The following NIPSNAP2 variants were observed in gnomAD, a reference collection of about 807,000 sequenced individuals.
NIPSNAP2 encodes the protein protein NipSnap homolog 2.
NIPSNAP2 carries 42 observed loss-of-function variants against 48.4 expected under a neutral mutation model. The ratio of observed to expected loss-of-function variants is 0.87; its 90% CI spans 0.68 to 1.12. The LOEUF is 1.12. NIPSNAP2 is among the 50% of genes most tolerant of loss of function. The probability of loss-of-function intolerance (pLI) is 0.00; values close to 1 mark genes in which losing one functional copy is unlikely to be tolerated. For missense variants in NIPSNAP2, 314 were observed against 347.3 expected, an observed-to-expected ratio of 0.90 and a Z score of 0.76; for synonymous variants, 158 against 126.6, an observed-to-expected ratio of 1.25 and a Z score of -1.67.
intron 7 of NIPSNAP2, among the ~76,000 whole-genome samples, chr7:55,994,164 A>G (rs960515093): frequency 3.9e-5 from 6 of 152,138 alleles, no homozygotes; most frequent in African/African-American, 1.4e-4. Flanking sequence ...CCTTGGGTAC[A>G]GTGCCCTGTG....
intron 1 of NIPSNAP2, among the ~76,000 whole-genome samples, chr7:55,975,902 G>T (rs768652652): frequency 8.5e-5 from 13 of 152,088 alleles, no homozygotes; most frequent in Non-Finnish European, 1.6e-4. Context: ...GCCGTGCACG[G>T]TGGCACACCA....
chr7:55,974,446 A>G (rs1205545740), intron 1 of NIPSNAP2, among the ~76,000 whole-genome samples: 1 of 151,972 alleles, frequency 6.6e-6, no homozygotes, highest in African/African-American at 2.4e-5. Flanking sequence ...TCCCTTGTTT[A>G]AATTCCTGGT....
intron 8 of NIPSNAP2, among the ~76,000 whole-genome samples, chr7:55,996,301 AG>A (rs1455750546): frequency 6.6e-6 from 1 of 151,034 alleles, no homozygotes; most frequent in African/African-American, 2.4e-5. Context: ...AAAAAAAAAA[AG>A]AAAAGAAACC....
chr7:55,987,446 G>A (rs1002761696), intron 7 of NIPSNAP2, among the ~76,000 whole-genome samples: 1 of 152,156 alleles, frequency 6.6e-6, no homozygotes, highest in Admixed American at 6.5e-5. Flanking sequence ...TGGCCAACAT[G>A]GCAAAACCCC....
chr7:55,975,625 T>C (rs1787093616), intron 1 of NIPSNAP2, among the ~76,000 whole-genome samples: 2 of 152,200 alleles, frequency 1.3e-5, no homozygotes, highest in Admixed American at 6.5e-5. Context: ...GTTACATTAC[T>C]TTAGGCATTT....
At chr7:55,974,941 C>T (rs1346249829) in intron 1 of NIPSNAP2, among the ~76,000 whole-genome samples, 3 of 151,714 alleles carry the variant, frequency 2.0e-5, no homozygotes, top group Admixed American at 6.6e-5. Flanking sequence ...GGCCCATCAG[C>T]ATCTGGACTT....
chr7:55,983,083 G>A (rs983569894), intron 5 of NIPSNAP2, among the ~76,000 whole-genome samples: 54 of 152,020 alleles, frequency 3.6e-4, no homozygotes, highest in African/African-American at 1.2e-3. Context: ...AGACTACACC[G>A]CTGCACTACA....
At chr7:55,993,696 C>T (rs1195918654) in intron 7 of NIPSNAP2, among the ~76,000 whole-genome samples, 1 of 151,536 alleles carries the variant, frequency 6.6e-6, no homozygotes, top group Non-Finnish European at 1.5e-5. Context: ...GCTGAGATCA[C>T]GCCGCTGCAC....
In NIPSNAP2 at chr7:55,975,780, A is replaced by G. The variant is rs1448002216; in HGVS notation, c.93-2346A>G. ...GGGCTGAGCGCAGTGGCTCACACCT[A>G]TAATCCCAGCACTTTGGGAGGCCGA... On this transcript the variant is annotated intron_variant, in intron 1 of 9. Coordinates refer to ENST00000322090, the MANE Select transcript of NIPSNAP2 (RefSeq NM_001483.3). Among the ~76,000 whole-genome samples the G allele has an allele frequency of 3.3e-5, 5 of 152,186 alleles. No homozygotes were observed. In the South Asian group the frequency reaches 8.3e-4, roughly 25 times the overall value.
At chr7:55,977,337 G>GC (rs1448012915) in intron 1 of NIPSNAP2, among the ~76,000 whole-genome samples, 1 of 152,118 alleles carries the variant, frequency 6.6e-6, no homozygotes, top group Admixed American at 6.5e-5. Flanking sequence ...GTTGCAGTGA[G>GC]CCCAGATCGT....
rs1787632594 is a variant in NIPSNAP2 at position 55,999,269 on chromosome 7, G to A, written c.*197G>A. On this transcript the variant is annotated 3_prime_UTR_variant, in exon 10 of 10. Coordinates refer to ENST00000322090, the MANE Select transcript of NIPSNAP2 (RefSeq NM_001483.3). ...TTACAGTTGGACTGATTGTGACAGT[G>A]CCTTGTCGTCCTCTTTGAAACACCC... 3 of 587,414 alleles carry A rather than the reference G, an allele frequency of 5.1e-6. No individual in the cohort carries two copies. The highest frequency in any genetic ancestry group is 6.5e-5 in the Admixed American group (2 of 30,986). The allele number at this position is 587,414 out of a possible 1,614,324, so 36.4% of individuals were successfully genotyped here. A position where few individuals can be genotyped will look rare whatever the true frequency, so the allele number is the denominator to read the frequency against.
At chr7:55,992,352 T>C (rs1169498081) in intron 7 of NIPSNAP2, among the ~76,000 whole-genome samples, 1 of 152,114 alleles carries the variant, frequency 6.6e-6, no homozygotes, top group East Asian at 1.9e-4. Flanking sequence ...TGGCTGTGCT[T>C]AGTGGTGCAA....
chr7:55,985,226 T>A (rs1470303773), intron 7 of NIPSNAP2, among the ~76,000 whole-genome samples: 2 of 152,192 alleles, frequency 1.3e-5, no homozygotes, highest in African/African-American at 4.8e-5. Context: ...AAGCACCTTT[T>A]TTTTAAAAGC....
In NIPSNAP2 at chr7:55,999,115, G is replaced by T; in HGVS notation, c.*43G>T. The T allele has an allele frequency of 1.4e-6, 2 of 1,469,344 alleles. No homozygotes were observed. Among genetic ancestry groups the T allele is most frequent in the South Asian group, 1.2e-5 (1 of 85,934 alleles). The allele number at this position is 1,469,344 out of a possible 1,614,324, so 91.0% of individuals were successfully genotyped here. A position where few individuals can be genotyped will look rare whatever the true frequency, so the allele number is the denominator to read the frequency against. On this transcript the variant is annotated 3_prime_UTR_variant, in exon 10 of 10. Coordinates refer to ENST00000322090, the MANE Select transcript of NIPSNAP2 (RefSeq NM_001483.3). ...GTGCCTACATACATTTCTGTGACAA[G>T]TATTTGTCGTAAATTAATTTTAATT...
intron 1 of NIPSNAP2, among the ~76,000 whole-genome samples, chr7:55,972,466 C>G (rs1189642867): frequency 9.2e-5 from 13 of 140,900 alleles, no homozygotes; most frequent in Non-Finnish European, 3.1e-5. Flanking sequence ...GAGTTTCACT[C>G]TTGTTGCCCA....
chr7:55,996,014 A>G (rs1378136789), intron 8 of NIPSNAP2, among the ~76,000 whole-genome samples: 1 of 152,144 alleles, frequency 6.6e-6, no homozygotes, highest in East Asian at 1.9e-4. Context: ...TTGGCTGGGC[A>G]CAGTGGTTCA....
In NIPSNAP2 at chr7:55,999,280, C is replaced by T; in HGVS notation, c.*208C>T. The T allele has an allele frequency of 3.5e-6, 2 of 574,102 alleles. No individual in the cohort carries two copies. Among genetic ancestry groups the T allele is most frequent in the Admixed American group, 6.6e-5 (2 of 30,184 alleles). The allele number at this position is 574,102 out of a possible 1,614,324, so 35.6% of individuals were successfully genotyped here. On this transcript the variant is annotated 3_prime_UTR_variant, in exon 10 of 10. Coordinates refer to ENST00000322090, the MANE Select transcript of NIPSNAP2 (RefSeq NM_001483.3). ...CTGATTGTGACAGTGCCTTGTCGTC[C>T]TCTTTGAAACACCCCGTGTTGTCCA...
At chr7:55,978,054 T>A in intron 1 of NIPSNAP2, 72 bp from the exon 2 acceptor site, 1 of 1,550,134 alleles carries the variant, frequency 6.5e-7, no homozygotes. Context: ...AGCTGCTCAC[T>A]GTGTTTGCCA....
At position 55,981,578 on chromosome 7, in the gene NIPSNAP2, A is replaced by G. The variant is rs1036101352; in HGVS notation, c.373+11A>G. On this transcript the variant is annotated intron_variant, in intron 4 of 9. Transcript: ENST00000322090. ...AGCAGGACCAAGCTGGTAGGAAGCG[A>G]AGTCTTTGGAATAAACACTTCTTCC... is the stretch of plus-strand genomic sequence containing the variant. 6.3e-7 allele frequency: 1 copy of G among 1,590,582 alleles called. No individual in the cohort carries two copies.
Sources: gnomAD v4.1 joint callset for allele counts (sites outside exome capture counted in the v4.1 genomes callset) on GRCh38, gnomAD v4.1.1 for gene constraint, MANE v1.5 for transcripts, NCBI Gene and HGNC (gene_info 2026-07-23, HGNC 2026-07-21) for gene names.